EXOC2: variants seen among roughly 807,000 people sequenced by gnomAD.
The protein encoded by EXOC2 is exocyst complex component 2, also known as SEC5-like 1.
EXOC2 carries 70 observed loss-of-function variants against 131.8 expected under a neutral mutation model. The ratio of observed to expected loss-of-function variants is 0.53; its 90% CI spans 0.44 to 0.65. The LOEUF (loss-of-function observed/expected upper bound fraction) is 0.65. Ranked by LOEUF, EXOC2 falls within the 30% of genes least tolerant of loss-of-function variation. The probability of loss-of-function intolerance (pLI) is 0.00; values close to 1 mark genes in which losing one functional copy is unlikely to be tolerated. For synonymous variants in EXOC2, 411 were observed against 398.4 expected (o/e 1.03, Z -0.38); for missense variants, 923 against 1,108.6 (o/e 0.83, Z 2.38).
chr6:680,750 C>A (rs902988743), intron 1 of EXOC2, among the ~76,000 whole-genome samples: 1 of 152,082 alleles, frequency 6.6e-6, no homozygotes, highest in East Asian at 1.9e-4. Context: ...GTGATTATAA[C>A]AAATGATAGT....
At chr6:646,419 GAAGTAAGT>G (rs765352932) in intron 1 of EXOC2, among the ~76,000 whole-genome samples, 8 of 152,194 alleles carry the variant, frequency 5.3e-5, no homozygotes, top group Non-Finnish European at 4.4e-5. Context: ...CAAAATGAAG[GAAGTAAGT>G]AAGGGGTTTA....
At chr6:551,487 G>C (rs1295805417) in intron 21 of EXOC2, among the ~76,000 whole-genome samples, 1 of 152,256 alleles carries the variant, frequency 6.6e-6, no homozygotes, top group Non-Finnish European at 1.5e-5. Flanking sequence ...TGCCTGGGGG[G>C]ATAGCTGAGA....
chr6:600,124 C>G (rs977898897), intron 7 of EXOC2, among the ~76,000 whole-genome samples: 3 of 152,086 alleles, frequency 2.0e-5, no homozygotes, highest in African/African-American at 7.2e-5. Context: ...CTGGGTGGCT[C>G]GCATGCAATA....
At chr6:500,563 G>A (rs1763990455) in intron 23 of EXOC2, among the ~76,000 whole-genome samples, 1 of 152,200 alleles carries the variant, frequency 6.6e-6, no homozygotes, top group Non-Finnish European at 1.5e-5. Flanking sequence ...GGGGATGCAT[G>A]CCATAGGTCC....
chr6:512,540 C>G (rs373354750), intron 23 of EXOC2, among the ~76,000 whole-genome samples: 41 of 152,344 alleles, frequency 2.7e-4, no homozygotes, highest in Middle Eastern at 3.4e-3. Flanking sequence ...TGGGCAACAG[C>G]AGGCTATTCC....
chr6:561,946 T>C (rs965011431), intron 17 of EXOC2, among the ~76,000 whole-genome samples: 2 of 152,206 alleles, frequency 1.3e-5, no homozygotes, highest in Non-Finnish European at 2.9e-5. Context: ...CCGACCTCTG[T>C]TGCCAACAGG....
At chr6:599,294 C>T in intron 7 of EXOC2, 69 bp from the exon 8 acceptor site, 1 of 1,420,378 alleles carries the variant, frequency 7.0e-7, no homozygotes, top group Non-Finnish European at 9.4e-7. Context: ...TAACTGGGCA[C>T]TAGAAACAAA....
intron 1 of EXOC2, among the ~76,000 whole-genome samples, chr6:683,734 A>T (rs1764516292): frequency 6.6e-6 from 1 of 152,226 alleles, no homozygotes; most frequent in Non-Finnish European, 1.5e-5. Flanking sequence ...TTTGTCACTG[A>T]TCTTACAAAT....
intron 1 of EXOC2, 131 bp from the exon 2 acceptor site, chr6:637,992 G>C (rs370850078): frequency 5.5e-5 from 33 of 599,146 alleles, no homozygotes; most frequent in East Asian, 1.9e-4. Context: ...ATTTTTTAGG[G>C]GTCATTTAGC....
At chr6:488,226 C>G (rs1032379494) in intron 27 of EXOC2, among the ~76,000 whole-genome samples, 1 of 152,218 alleles carries the variant, frequency 6.6e-6, no homozygotes, top group African/African-American at 2.4e-5. Flanking sequence ...CCTATGTGAT[C>G]TCTCTGCCCT....
At chr6:576,545 A>G (rs1758587934) in intron 12 of EXOC2, among the ~76,000 whole-genome samples, 1 of 152,220 alleles carries the variant, frequency 6.6e-6, no homozygotes, top group South Asian at 2.1e-4. Flanking sequence ...CCTGCACCCA[A>G]TGACTTAAAA....
chr6:625,518 CTTTTTTTTTTTT>C (rs796295514), intron 4 of EXOC2, among the ~76,000 whole-genome samples: 3 of 108,058 alleles, frequency 2.8e-5, no homozygotes, highest in African/African-American at 9.8e-5. Context: ...TGTTTCCGTT[CTTTTTTTTTTTT>C]TTTTTTTTTT....
At chr6:625,086 G>A (rs975671257) in intron 4 of EXOC2, among the ~76,000 whole-genome samples, 1 of 152,236 alleles carries the variant, frequency 6.6e-6, no homozygotes, top group African/African-American at 2.4e-5. Context: ...TTTTCCATTA[G>A]ATGGCAGTGT....
At chr6:656,575 G>C in intron 1 of EXOC2, 1 of 1,591,356 alleles carries the variant, frequency 6.3e-7, no homozygotes, top group South Asian at 1.1e-5. Context: ...CTGCGAGCGC[G>C]GCCCAGGGAC....
At position 486,341 on chromosome 6, in the gene EXOC2, T is replaced by TA. The variant is rs1203153595; in HGVS notation, c.*329dup. ...AACGGGACACTGAGAAATGCTTCAA[T>TA]ATGTGCCACGCCATTCCAGAAAACT... is the stretch of plus-strand genomic sequence containing the variant. On this transcript the variant is annotated 3_prime_UTR_variant, in exon 28 of 28. Transcript: ENST00000230449. 4.4e-6 allele frequency: 1 copy of TA among 228,090 alleles called. No homozygotes were observed. Among genetic ancestry groups the TA allele is most frequent in the Non-Finnish European group, 8.6e-6 (1 of 116,660 alleles). The allele number at this position is 228,090 out of a possible 1,614,324, so 14.1% of individuals were successfully genotyped here.
At chr6:627,368 C>T (rs1200833455) in intron 4 of EXOC2, among the ~76,000 whole-genome samples, 4 of 152,102 alleles carry the variant, frequency 2.6e-5, no homozygotes, top group Non-Finnish European at 4.4e-5. Context: ...GGAATCTCTA[C>T]ATCTAGCCTC....
chr6:507,056 C>T (rs1340212132), intron 23 of EXOC2, among the ~76,000 whole-genome samples: 1 of 135,704 alleles, frequency 7.4e-6, no homozygotes, highest in Non-Finnish European at 1.6e-5. Flanking sequence ...ACACACAGAG[C>T]AGTGATCCCA....
intron 1 of EXOC2, among the ~76,000 whole-genome samples, chr6:688,002 G>A (rs1764743675): frequency 6.6e-6 from 1 of 152,174 alleles, no homozygotes; most frequent in Admixed American, 6.5e-5. Context: ...ACAAAGGCGG[G>A]GTAGATGGGA....
rs1195286635 is a variant in EXOC2, at chr6:507,171, C to T, written c.2381-7471G>A. On this transcript the variant is annotated intron_variant, in intron 23 of 27. Coordinates refer to ENST00000230449, the MANE Select transcript of EXOC2 (RefSeq NM_018303.6). Reference sequence around the variant, plus strand: ...ACACACAAGAAGTGACCCCCCCACCCACACACACAGCAGTGACCCCCCCCA... The same window carrying T: ...ACACACAAGAAGTGACCCCCCCACCTACACACACAGCAGTGACCCCCCCCA... Among the ~76,000 whole-genome samples, 38 of 47,614 alleles carry T rather than the reference C, an allele frequency of 8.0e-4. 2 individuals carry two copies. The highest frequency in any genetic ancestry group is 1.4e-3 in the Non-Finnish European group (31 of 21,800). 31.2% of individuals were successfully genotyped at this position (47,614 alleles called of 152,430 possible). A position where few individuals can be genotyped will look rare whatever the true frequency, so the allele number is the denominator to read the frequency against.
Sources: allele counts gnomAD v4.1 joint callset (sites outside exome capture counted in the v4.1 genomes callset), GRCh38; gene constraint gnomAD v4.1.1; transcripts MANE v1.5; gene names NCBI Gene and HGNC (gene_info 2026-07-23, HGNC 2026-07-21).